PRR14L: variants seen among roughly 807,000 people sequenced by gnomAD.
PRR14L encodes proline rich 14 like, also known as protein PRR14L.
PRR14L carries 80 observed loss-of-function variants against 155.0 expected under a neutral mutation model. The observed-to-expected ratio is 0.52, with a 90% CI of 0.43 to 0.62. The LOEUF is 0.62. Among genes scored for constraint, PRR14L ranks in the 20% least tolerant of loss-of-function variants. The pLI is 0.00. For missense variants in PRR14L, 2,469 were observed against 2,548.0 expected (o/e 0.97, Z 0.67); for synonymous variants, 883 against 916.0 (o/e 0.96, Z 0.65).
At chr22:31,747,458 G>C (rs1359551243) in intron 1 of PRR14L, among the ~76,000 whole-genome samples, 3 of 149,520 alleles carry the variant, frequency 2.0e-5, no homozygotes, top group Non-Finnish European at 4.4e-5. Context: ...AGGAAGCCAG[G>C]GTCCCTTATC....
At chr22:31,688,389 G>A (rs1217385328) in intron 7 of PRR14L, among the ~76,000 whole-genome samples, 162 bp from the exon 8 acceptor site, 1 of 150,954 alleles carries the variant, frequency 6.6e-6, no homozygotes. Context: ...TGAGTAGCTG[G>A]GATTACAGGT....
Position 31,715,312 on chromosome 22 carries a change from CCA to C in PRR14L, c.2525_2526del (p.Val842GlyfsTer6). ...DHCCQGTGHS[V>X]EKSSCKVSYT... ...TAACTCACTTTACAGCTGCTTTTTT[CCA>C]CAGAGTGTCCTGTTCCTTGGCAGCA... On this transcript the variant is annotated frameshift_variant, in exon 4 of 9. Coordinates refer to ENST00000327423, the MANE Select transcript of PRR14L (RefSeq NM_173566.3). LOFTEE classifies it high-confidence loss of function. The C allele has an allele frequency of 1.9e-6, 3 of 1,552,098 alleles. No homozygotes were observed. The highest frequency in any genetic ancestry group is 2.6e-6 in the Non-Finnish European group (3 of 1,147,076).
At chr22:31,726,305 A>G (rs886566951) in intron 2 of PRR14L, among the ~76,000 whole-genome samples, 2 of 151,594 alleles carry the variant, frequency 1.3e-5, no homozygotes, top group Non-Finnish European at 2.9e-5. Flanking sequence ...TAATTTTTAT[A>G]TTTTTAGTAG....
rs147577336 is a variant in PRR14L at position 31,743,185 on chromosome 22, C to T, written c.-51-4274G>A. ...GGCATGGTGGCACGCGCCTGTAGTC[C>T]CAGCTGCTCTGGAGGCTGAGGCAGG... On this transcript the variant is annotated intron_variant, in intron 1 of 8. Transcript: ENST00000327423. 6.2e-3 allele frequency among the ~76,000 whole-genome samples: 949 copies of T among 152,138 alleles called. 7 individuals are homozygous for T. Among genetic ancestry groups the T allele is most frequent in the African/African-American group, 0.02 (846 of 41,502 alleles).
At chr22:31,748,647 G>C (rs372371092) in intron 1 of PRR14L, among the ~76,000 whole-genome samples, 3 of 147,646 alleles carry the variant, frequency 2.0e-5, no homozygotes, top group Admixed American at 6.6e-5. Context: ...TCGCCCACTT[G>C]GGGGGGTGGG....
At chr22:31,733,932 C>G (rs537978820) in intron 2 of PRR14L, among the ~76,000 whole-genome samples, 36 of 151,946 alleles carry the variant, frequency 2.4e-4, no homozygotes, top group Non-Finnish European at 4.7e-4. Context: ...ATACACCACA[C>G]AAACACACAC....
At position 31,715,120 on chromosome 22, in the gene PRR14L, C is replaced by T; in HGVS notation, c.2719G>A (p.Glu907Lys). ...ACAGTTTCTTTGGATACATCCTGCT[C>T]CTTTCCTTCCAGCCCTTCCTCACTG... ...KLSEEGLEGK[E>K]QDVSKETVFC... is the part of the protein sequence containing the mutation. Residue 907 changes from glutamate (E) to lysine (K), a missense_variant, in exon 4 of 9, where the codon GAG (glutamate) becomes AAG (lysine). Glu to Lys is a moderately conservative substitution (Grantham distance 56). This residue lies in a region of PRR14L where 2,363 missense variants were observed against 2,371.6 expected (regional missense o/e 1.00). Coordinates refer to ENST00000327423, the MANE Select transcript of PRR14L (RefSeq NM_173566.3). 6.4e-7 allele frequency: 1 copy of T among 1,551,114 alleles called. No individual in the cohort carries two copies.
At chr22:31,735,275 TAA>T (rs1267706998) in intron 2 of PRR14L, among the ~76,000 whole-genome samples, 1 of 151,972 alleles carries the variant, frequency 6.6e-6, no homozygotes. Flanking sequence ...CCGTCTCTAC[TAA>T]AAAAATACAA....
intron 3 of PRR14L, among the ~76,000 whole-genome samples, chr22:31,723,993 C>G (rs570837357): frequency 6.6e-6 from 1 of 152,326 alleles, no homozygotes; most frequent in Admixed American, 6.5e-5. Context: ...GCTTGCATTA[C>G]TGCCTGAGCT....
chr22:31,731,047 A>G (rs962569396), intron 2 of PRR14L, among the ~76,000 whole-genome samples: 1 of 152,096 alleles, frequency 6.6e-6, no homozygotes, highest in African/African-American at 2.4e-5. Context: ...ATATATCCCC[A>G]TAATTTTCTG....
At chr22:31,693,336 C>A (rs141230859) in intron 7 of PRR14L, among the ~76,000 whole-genome samples, 1 of 152,130 alleles carries the variant, frequency 6.6e-6, no homozygotes, top group African/African-American at 2.4e-5. Context: ...TCATACAGTA[C>A]GTAGTTTATT....
At chr22:31,730,335 G>A (rs1451479656) in intron 2 of PRR14L, among the ~76,000 whole-genome samples, 2 of 152,158 alleles carry the variant, frequency 1.3e-5, no homozygotes, top group African/African-American at 4.8e-5. Context: ...CTACTCAGGA[G>A]GCTGAAGCAG....
intron 1 of PRR14L, among the ~76,000 whole-genome samples, chr22:31,749,350 G>C (rs1268121235): frequency 6.6e-6 from 1 of 152,176 alleles, no homozygotes; most frequent in Non-Finnish European, 1.5e-5. Flanking sequence ...TCTCTCTGTG[G>C]ACATCACGAG....
intron 1 of PRR14L, among the ~76,000 whole-genome samples, chr22:31,746,254 T>C (rs2074837326): frequency 6.6e-6 from 1 of 152,232 alleles, no homozygotes; most frequent in African/African-American, 2.4e-5. Flanking sequence ...ATTACATATG[T>C]TAAAATGTTG....
At chr22:31,741,634 G>T (rs1338465242) in intron 1 of PRR14L, among the ~76,000 whole-genome samples, 1 of 152,184 alleles carries the variant, frequency 6.6e-6, no homozygotes, top group Non-Finnish European at 1.5e-5. Context: ...CACTTTGGGA[G>T]GCCCAGGCAG....
At position 31,703,638 on chromosome 22, in the gene PRR14L, G is replaced by A. The variant is rs769331252; in HGVS notation, c.5912C>T (p.Ser1971Phe). The A allele has an allele frequency of 5.0e-6, 8 of 1,613,740 alleles. No homozygotes were observed. In the East Asian group the frequency reaches 6.7e-5, roughly 13 times the overall value. ...SAVSKLLLSA[S>F]EFQVRGLDEL... ...ATCCAATCCACGAACCTGGAACTCA[G>A]AGGCTGAAAGCAGGAGCTTGCTGAC... is the stretch of plus-strand genomic sequence containing the variant. Residue 1971 changes from serine to phenylalanine, a missense_variant, in exon 6 of 9, where the codon TCT (serine) becomes TTT (phenylalanine). Transcript: ENST00000327423.
intron 4 of PRR14L, among the ~76,000 whole-genome samples, chr22:31,709,880 G>T (rs1180060588): frequency 6.6e-6 from 1 of 151,900 alleles, no homozygotes; most frequent in Non-Finnish European, 1.5e-5. Flanking sequence ...TGATCTGCCT[G>T]CCTCAGCCTC....
At chr22:31,708,437 C>T (rs2074602845) in intron 4 of PRR14L, among the ~76,000 whole-genome samples, 1 of 151,716 alleles carries the variant, frequency 6.6e-6, no homozygotes, top group Admixed American at 6.6e-5. Flanking sequence ...AGCAATTCTC[C>T]TGCCTCAGCC....
At chr22:31,746,482 A>G (rs1418623040) in intron 1 of PRR14L, among the ~76,000 whole-genome samples, 1 of 152,236 alleles carries the variant, frequency 6.6e-6, no homozygotes, top group Non-Finnish European at 1.5e-5. Flanking sequence ...TTACAGCTTA[A>G]TCTTTGCTAA....
Sources: gnomAD v4.1 joint callset for allele counts (sites outside exome capture counted in the v4.1 genomes callset) on GRCh38, gnomAD v4.1.1 for gene constraint, gnomAD v4.1.1 regional missense constraint, MANE v1.5 for transcripts, NCBI Gene and HGNC (gene_info 2026-07-23, HGNC 2026-07-21) for gene names.